SGCD: variants seen among roughly 807,000 people sequenced by gnomAD.
SGCD encodes the protein sarcoglycan delta.
A neutral mutation model predicts 36.6 loss-of-function variants in SGCD; 18 were observed. The ratio of observed to expected loss-of-function variants is 0.49; its 90% confidence interval spans 0.34 to 0.73. The LOEUF is 0.73. Ranked by LOEUF, SGCD falls within the 30% of genes least tolerant of loss-of-function variation. The pLI is 0.01. For missense variants in SGCD, 387 were observed against 346.7 expected (o/e 1.12, Z -0.92); for synonymous variants, 133 against 130.6 (o/e 1.02, Z -0.12).
At chr5:156,145,268 T>C (rs1461318423) in intron 3 of SGCD, among the ~76,000 whole-genome samples, 1 of 152,228 alleles carries the variant, frequency 6.6e-6, no homozygotes, top group Non-Finnish European at 1.5e-5. Context: ...TCCAGCCATG[T>C]GAAGTTCTGG....
chr5:155,892,284 C>T (rs554660543), intron 1 of SGCD, among the ~76,000 whole-genome samples: 6 of 151,696 alleles, frequency 4.0e-5, no homozygotes, highest in Admixed American at 1.3e-4. Flanking sequence ...GGTGAAACCC[C>T]GTCTCTACTA....
chr5:155,809,198 T>C, the SGCD span, among the ~76,000 whole-genome samples: 1 of 152,214 alleles, frequency 6.6e-6, no homozygotes, highest in Non-Finnish European at 1.5e-5. Flanking sequence ...GCATAGTTTC[T>C]GTTGTTCTCA....
At chr5:155,947,646 T>G (rs547804489) in intron 1 of SGCD, among the ~76,000 whole-genome samples, 2 of 152,050 alleles carry the variant, frequency 1.3e-5, no homozygotes, top group Admixed American at 1.3e-4. Context: ...GAGAGAAACA[T>G]CCTAAAGAAG....
chr5:156,078,520 A>AAT lies in SGCD; in HGVS notation c.-281-39341_-281-39340dup, dbSNP rs199720918. Among the ~76,000 whole-genome samples, 437 of 125,494 alleles carry AAT rather than the reference A, an allele frequency of 3.5e-3. 8 individuals are homozygous for AAT. The highest frequency in any genetic ancestry group is 0.021 in the Middle Eastern group (5 of 242). The allele number at this position is 125,494 out of a possible 152,430, so 82.3% of individuals were successfully genotyped here. On this transcript the variant is annotated intron_variant, in intron 1 of 9. Coordinates refer to the SGCD transcript ENST00000517913. ...AAAGTAAGACTGTCTCAAAAAAAAA[A>AAT]ATATATATATATATATATTTATTTA...
At chr5:155,797,055 G>A in the SGCD span, among the ~76,000 whole-genome samples, 1 of 151,912 alleles carries the variant, frequency 6.6e-6, no homozygotes, top group Non-Finnish European at 1.5e-5. Flanking sequence ...CGAATAAAAA[G>A]GGTTAACACT....
At chr5:156,533,745 T>A (rs1318736318) in intron 4 of SGCD, among the ~76,000 whole-genome samples, 1 of 152,186 alleles carries the variant, frequency 6.6e-6, no homozygotes, top group Non-Finnish European at 1.5e-5. Flanking sequence ...TAGGGCTTAA[T>A]TACCTGTGGG....
chr5:155,889,802 A>T (rs1352100997), intron 1 of SGCD, among the ~76,000 whole-genome samples: 4 of 152,190 alleles, frequency 2.6e-5, no homozygotes, highest in Admixed American at 2.6e-4. Flanking sequence ...GATGTGGTCC[A>T]TGTGACTGTG....
chr5:155,797,762 G>C, the SGCD span, among the ~76,000 whole-genome samples: 146,015 of 152,296 alleles, frequency 0.96, 70,063 homozygotes, highest in East Asian at 1. Context: ...TTTAAAACCC[G>C]TGTTAAATAA....
the SGCD span, among the ~76,000 whole-genome samples, chr5:155,820,927 A>G: frequency 2.0e-5 from 3 of 152,120 alleles, no homozygotes; most frequent in Non-Finnish European, 2.9e-5. Flanking sequence ...TTCATAGACC[A>G]CAGAGAGAGC....
In SGCD at chr5:156,141,585, C is replaced by A. The variant is rs531825552; in HGVS notation, c.-44+17566C>A. Among the ~76,000 whole-genome samples, 8 of 152,240 alleles carry A rather than the reference C, an allele frequency of 5.3e-5. No individual in the cohort carries two copies. In the South Asian group the frequency reaches 1.5e-3, roughly 28 times the overall value. On this transcript the variant is annotated intron_variant, in intron 3 of 9. Transcript: ENST00000517913. ...GGGTAAAAAGACAAATCTGGTAGAT[C>A]AATGCAGTGGTTTTTCCTCTTATTA...
intron 3 of SGCD, among the ~76,000 whole-genome samples, chr5:156,498,277 A>C (rs1392759798): frequency 6.6e-6 from 1 of 152,094 alleles, no homozygotes; most frequent in African/African-American, 2.4e-5. Context: ...AAAAAAAAAA[A>C]ACACCTCGTT....
At chr5:156,017,218 A>G (rs1466503365) in intron 1 of SGCD, among the ~76,000 whole-genome samples, 1 of 152,174 alleles carries the variant, frequency 6.6e-6, no homozygotes, top group African/African-American at 2.4e-5. Context: ...GTTTCCCTCA[A>G]TACAAAAATG....
At chr5:155,750,925 C>A in the SGCD span, among the ~76,000 whole-genome samples, 1 of 152,136 alleles carries the variant, frequency 6.6e-6, no homozygotes. Context: ...ATTGGTGACT[C>A]CTGGGGCAAA....
At chr5:156,618,057 T>C (rs1383403533) in intron 6 of SGCD, among the ~76,000 whole-genome samples, 1 of 152,228 alleles carries the variant, frequency 6.6e-6, no homozygotes, top group African/African-American at 2.4e-5. Context: ...TTTTTCCTTT[T>C]TTCTCTTCCT....
intron 4 of SGCD, among the ~76,000 whole-genome samples, chr5:156,534,049 C>T (rs542940755): frequency 1.9e-4 from 29 of 152,218 alleles, no homozygotes; most frequent in South Asian, 4.1e-4. Flanking sequence ...TATAAATTTG[C>T]GTGGTTTTTT....
intron 3 of SGCD, among the ~76,000 whole-genome samples, chr5:156,276,043 C>A (rs1581212385): frequency 6.6e-6 from 1 of 152,176 alleles, no homozygotes; most frequent in Non-Finnish European, 1.5e-5. Context: ...AATAAGTGAC[C>A]TCCCCAGCCA....
chr5:156,730,398 AG>A (rs1036948550), intron 7 of SGCD, among the ~76,000 whole-genome samples: 1 of 152,124 alleles, frequency 6.6e-6, no homozygotes, highest in Non-Finnish European at 1.5e-5. Flanking sequence ...AAAATGCCCC[AG>A]TGCATGTTGT....
Position 156,760,393 on chromosome 5 carries a change from G to C in SGCD, c.*1003G>C, listed in dbSNP as rs1317495554. The C allele has an allele frequency of 6.6e-6, 1 of 152,162 alleles. No homozygotes were observed. The highest frequency in any genetic ancestry group is 2.1e-4 in the South Asian group (1 of 4,824). 9.4% of individuals were successfully genotyped at this position (152,162 alleles called of 1,614,324 possible). ...AGAGTAGCATAAGGAACCTAATTAT[G>C]TTTACCATGTTTCTTGGGATTGGTG... is the stretch of plus-strand genomic sequence containing the variant. On this transcript the variant is annotated 3_prime_UTR_variant, in exon 9 of 9. Transcript: ENST00000337851.
At chr5:156,382,304 G>A in intron 3 of SGCD, among the ~76,000 whole-genome samples, 2 of 152,130 alleles carry the variant, frequency 1.3e-5, no homozygotes, top group East Asian at 3.9e-4. Context: ...GAGAATATGT[G>A]AAATTGCTTT....
Sources: allele counts gnomAD v4.1 joint callset (sites outside exome capture counted in the v4.1 genomes callset), GRCh38; gene constraint gnomAD v4.1.1; transcripts MANE v1.5; gene names NCBI Gene and HGNC (gene_info 2026-07-23, HGNC 2026-07-21).